TTC39B: variants seen among roughly 807,000 people sequenced by gnomAD.
The protein encoded by TTC39B is tetratricopeptide repeat protein 39B.
Under a neutral mutation model 96.6 loss-of-function variants are expected in TTC39B, and 92 were observed. The ratio of observed to expected loss-of-function variants is 0.95; its 90% CI spans 0.80 to 1.13. The LOEUF (loss-of-function observed/expected upper bound fraction) is 1.13. Among genes scored for constraint, TTC39B ranks in the 50% most tolerant of loss-of-function variants. The pLI, the probability that TTC39B is intolerant of heterozygous loss-of-function variation, is 0.00. For synonymous variants in TTC39B, 367 were observed against 299.4 expected, an observed-to-expected ratio of 1.23 and a Z score of -2.33; for missense variants, 955 against 809.3, an observed-to-expected ratio of 1.18 and a Z score of -2.18.
At chr9:15,274,028 C>T (rs555954598) in intron 1 of TTC39B, among the ~76,000 whole-genome samples, 5 of 152,272 alleles carry the variant, frequency 3.3e-5, no homozygotes, top group African/African-American at 1.2e-4. Flanking sequence ...ACTGACACAC[C>T]TGGAGGATTC....
At chr9:15,261,507 G>A (rs997158311) in intron 2 of TTC39B, among the ~76,000 whole-genome samples, 2 of 151,888 alleles carry the variant, frequency 1.3e-5, no homozygotes, top group African/African-American at 4.8e-5. Context: ...AAATCACGAT[G>A]ACTGTAAGTG....
At chr9:15,274,227 C>T (rs368331689) in intron 1 of TTC39B, among the ~76,000 whole-genome samples, 34 of 152,146 alleles carry the variant, frequency 2.2e-4, no homozygotes, top group African/African-American at 6.5e-4. Flanking sequence ...AAAATATATA[C>T]GTACCCTGAG....
At chr9:15,228,967 T>C (rs1821279208) in intron 2 of TTC39B, among the ~76,000 whole-genome samples, 6 of 152,244 alleles carry the variant, frequency 3.9e-5, no homozygotes, top group Non-Finnish European at 8.8e-5. Context: ...CACGAATTCA[T>C]GGAAATTCTA....
exon 20 of TTC39B, chr9:15,171,705 AAAAT>A (rs1313140223): frequency 6.7e-5 from 11 of 163,394 alleles, no homozygotes; most frequent in Non-Finnish European, 1.2e-4. Flanking sequence ...TCACATTAAA[AAAAT>A]AAATAATCTA....
intron 8 of TTC39B, among the ~76,000 whole-genome samples, chr9:15,197,543 C>A (rs1363475465): frequency 2.0e-5 from 3 of 151,238 alleles, no homozygotes; most frequent in African/African-American, 7.3e-5. Context: ...GTGGAAAAAT[C>A]AAAATATACA....
At chr9:15,271,262 A>T (rs904612924) in intron 1 of TTC39B, among the ~76,000 whole-genome samples, 1 of 152,166 alleles carries the variant, frequency 6.6e-6, no homozygotes, top group Non-Finnish European at 1.5e-5. Flanking sequence ...TAATTTTGCC[A>T]TCTGCTGTCT....
At chr9:15,251,460 G>A (rs562080755) in intron 2 of TTC39B, among the ~76,000 whole-genome samples, 1 of 151,804 alleles carries the variant, frequency 6.6e-6, no homozygotes, top group Admixed American at 6.6e-5. Context: ...TACTAGGGAG[G>A]CTGAGGCAGG....
At chr9:15,285,978 T>C (rs570458757) in intron 1 of TTC39B, among the ~76,000 whole-genome samples, 70 of 152,356 alleles carry the variant, frequency 4.6e-4, no homozygotes, top group African/African-American at 1.6e-3. Context: ...TCCCTTCCTA[T>C]CGATCAATCA....
chr9:15,198,953 C>T (rs1457493177), intron 8 of TTC39B, among the ~76,000 whole-genome samples: 1 of 152,126 alleles, frequency 6.6e-6, no homozygotes, highest in Non-Finnish European at 1.5e-5. Flanking sequence ...TAAATAGAGA[C>T]ATTTCAAGAT....
intron 13 of TTC39B, among the ~76,000 whole-genome samples, chr9:15,188,659 T>C (rs1477279136): frequency 6.6e-6 from 1 of 152,154 alleles, no homozygotes; most frequent in Non-Finnish European, 1.5e-5. Flanking sequence ...CTAGGCAATA[T>C]AAACTTAAAA....
chr9:15,225,874 G>A, intron 3 of TTC39B, 43 bp downstream of exon 3: 1 of 1,562,408 alleles, frequency 6.4e-7, no homozygotes, highest in Non-Finnish European at 8.8e-7. Flanking sequence ...GGGTGGGACT[G>A]TCCTCCCCTC....
chr9:15,197,627 T>C (rs760663809), intron 8 of TTC39B, among the ~76,000 whole-genome samples: 1 of 151,816 alleles, frequency 6.6e-6, no homozygotes, highest in African/African-American at 2.4e-5. Flanking sequence ...AAAGTAAGAA[T>C]GGGGCAGAAA....
chr9:15,261,668 C>A (rs1234586065), intron 2 of TTC39B, among the ~76,000 whole-genome samples: 1 of 152,112 alleles, frequency 6.6e-6, no homozygotes, highest in Non-Finnish European at 1.5e-5. Context: ...CCACCTCTGA[C>A]CCTCTGCACT....
At chr9:15,273,593 C>A (rs902987024) in intron 1 of TTC39B, among the ~76,000 whole-genome samples, 10 of 152,152 alleles carry the variant, frequency 6.6e-5, no homozygotes, top group Non-Finnish European at 1.3e-4. Context: ...ATTTAACCAC[C>A]GCACTTTAGC....
chr9:15,302,781 T>G (rs951380060), intron 1 of TTC39B, among the ~76,000 whole-genome samples: 2 of 151,162 alleles, frequency 1.3e-5, no homozygotes, highest in Non-Finnish European at 2.9e-5. Context: ...GAGGCGGAGG[T>G]TGCAGTGAGC....
chr9:15,181,692 G>T (rs1174326358), intron 17 of TTC39B, among the ~76,000 whole-genome samples: 1 of 152,188 alleles, frequency 6.6e-6, no homozygotes, highest in African/African-American at 2.4e-5. Flanking sequence ...ACACACTAAT[G>T]GTTAGACAGC....
Position 15,172,023 on chromosome 9 carries a change from T to C in TTC39B, c.2045A>G (p.Asp682Gly), listed in dbSNP as rs758212358. ...ATTCCATCCTTCAAGTTCTGATCAA[T>C]CTGAGGAAGGTTTTCTCCAGAGGTG... The change falls in exon 20 of 20, where the codon GAT (aspartate) becomes GGT (glycine). Residue 682 changes from aspartate to glycine, a missense_variant. Coordinates refer to ENST00000512701, the Ensembl canonical transcript of TTC39B. 8.1e-6 allele frequency: 13 copies of C among 1,611,518 alleles called. No homozygotes were observed. In the Admixed American group the frequency reaches 2.2e-4, roughly 27 times the overall value.
chr9:15,281,164 G>GA (rs541195604), intron 1 of TTC39B, among the ~76,000 whole-genome samples: 5 of 150,796 alleles, frequency 3.3e-5, no homozygotes, highest in African/African-American at 1.2e-4. Flanking sequence ...AAACTAAAAG[G>GA]AAAAAAAATC....
intron 17 of TTC39B, among the ~76,000 whole-genome samples, chr9:15,180,508 T>C (rs1206763056): frequency 2.6e-5 from 4 of 152,362 alleles, no homozygotes; most frequent in Middle Eastern, 3.4e-3. Context: ...GGCCAGAGTA[T>C]TGCAGAGTAG....
Sources: gnomAD v4.1 joint callset for allele counts (sites outside exome capture counted in the v4.1 genomes callset) on GRCh38, gnomAD v4.1.1 for gene constraint, MANE v1.5 for transcripts, NCBI Gene and HGNC (gene_info 2026-07-23, HGNC 2026-07-21) for gene names.